The following SHANK1 variants were observed in gnomAD, a reference collection of about 807,000 sequenced individuals.
SHANK1 encodes SH3 and multiple ankyrin repeat domains protein 1.
SHANK1 carries 35 observed loss-of-function variants against 165.6 expected under a neutral mutation model. The observed-to-expected ratio is 0.21, with a 90% CI of 0.16 to 0.28. The LOEUF (loss-of-function observed/expected upper bound fraction) is 0.28. SHANK1 is among the 10% of genes least tolerant of loss of function. The pLI is 1.00. For synonymous variants in SHANK1, 1,428 were observed against 1,384.8 expected (o/e 1.03, Z -0.69); for missense variants, 2,681 against 3,036.4 (o/e 0.88, Z 2.75).
Position 50,668,721 on chromosome 19 carries a change from G to A in SHANK1, c.3239C>T (p.Pro1080Leu), listed in dbSNP as rs1013669132. 3.9e-6 allele frequency: 5 copies of A among 1,285,116 alleles called. No individual in the cohort carries two copies. In the African/African-American group the frequency reaches 6.2e-5, roughly 16 times the overall value. 79.6% of individuals were successfully genotyped at this position (1,285,116 alleles called of 1,614,324 possible). The change falls in exon 23 of 24, where the codon CCG becomes CTG. Residue 1080 changes from proline to leucine, a missense_variant. Transcript: ENST00000293441. ...AGGGGGSSQG[P>L]ALRYFQLPPR... ...GGGCAGCTGGAAATAGCGTAGAGCCGGGCCCTGGGAGGAGCCGCCGCCCCC... is the reference window on the plus strand; with the variant it reads ...GGGCAGCTGGAAATAGCGTAGAGCCAGGCCCTGGGAGGAGCCGCCGCCCCC...
In SHANK1 at chr19:50,667,707, C is replaced by T. The variant is rs2123078572; in HGVS notation, c.4253G>A (p.Arg1418Gln). 2.3e-6 allele frequency: 3 copies of T among 1,320,934 alleles called. No individual in the cohort carries two copies. The highest frequency in any genetic ancestry group is 8.0e-5 in the Admixed American group (2 of 24,980). 81.8% of individuals were successfully genotyped at this position (1,320,934 alleles called of 1,614,324 possible). A position where few individuals can be genotyped will look rare whatever the true frequency, so the allele number is the denominator to read the frequency against. The change falls in exon 23 of 24, where the codon CGG (arginine) becomes CAG (glutamine). Residue 1418 changes from arginine (R) to glutamine (Q), a missense_variant. Physicochemically the swap from Arg to Gln is conservative, Grantham distance 43. This residue lies in a region of SHANK1 where 1,713 missense variants were observed against 1,630.2 expected (regional missense o/e 1.05). Transcript: ENST00000293441. The surrounding 1 kb of genome is among the most constrained non-coding windows in gnomAD (Gnocchi z 5.7). Reference sequence around the variant, plus strand: ...CAGCCCGGCCCTGTACCCCAGCTCCCGGCGCGCAGGGTCCGGCGGGGAGGC... The same window carrying T: ...CAGCCCGGCCCTGTACCCCAGCTCCTGGCGCGCAGGGTCCGGCGGGGAGGC... ...WGASPPDPAR[R>Q]ELGYRAGLGS...
intron 15 of SHANK1, among the ~76,000 whole-genome samples, chr19:50,689,834 C>A (rs1330235137): frequency 6.6e-6 from 1 of 152,128 alleles, no homozygotes; most frequent in Admixed American, 6.5e-5. Context: ...GTCAAGAGGA[C>A]TCATGTACTT....
chr19:50,661,982 A>G lies in SHANK1; in HGVS notation c.6469T>C (p.Phe2157Leu). ...GCCAGCCATCACCTCTCCAGGAAGAATTTGAGAGCCCGGTCGATGTTCATG... is the reference window on the plus strand; with the variant it reads ...GCCAGCCATCACCTCTCCAGGAAGAGTTTGAGAGCCCGGTCGATGTTCATG... ...HRMNIDRALK[F>L]FLER Residue 2157 changes from phenylalanine (F) to leucine (L), a missense_variant, in exon 24 of 24, where the codon TTC becomes CTC. Phe to Leu is a conservative substitution (Grantham distance 22, BLOSUM62 0). This residue lies in a region of SHANK1 where 49 missense variants were observed against 94.2 expected (regional missense o/e 0.52). Coordinates refer to ENST00000293441, the MANE Select transcript of SHANK1 (RefSeq NM_016148.5). 1 of 1,614,036 alleles carries G rather than the reference A, an allele frequency of 6.2e-7. No homozygotes were observed. The highest frequency in any genetic ancestry group is 8.5e-7 in the Non-Finnish European group (1 of 1,180,016).
At chr19:50,685,659 G>A (rs1475506082) in intron 21 of SHANK1, among the ~76,000 whole-genome samples, 2 of 152,168 alleles carry the variant, frequency 1.3e-5, no homozygotes, top group Non-Finnish European at 2.9e-5. Context: ...GGGGGGCAGA[G>A]GTTGCAGTGA....
Position 50,667,160 on chromosome 19 carries a change from G to T in SHANK1, c.4800C>A (p.Thr1600=). ...CCGGGGGTGGCACAGGGGGTAACGG[G>T]GTGGCAGGGGCAGGTGTGTCGGGCA... ...HPLPDTPAPA[T]PLPPVPPPAV... Residue 1600 remains threonine, a synonymous_variant, in exon 23 of 24, where the codon ACC becomes ACA. Coordinates refer to ENST00000293441, the MANE Select transcript of SHANK1 (RefSeq NM_016148.5). This position sits in a 1 kb window ranked among gnomAD's most constrained non-coding sequence, Gnocchi z 5.7. 1 of 1,558,878 alleles carries T rather than the reference G, an allele frequency of 6.4e-7. No homozygotes were observed. The highest frequency in any genetic ancestry group is 8.6e-7 in the Non-Finnish European group (1 of 1,158,874).
chr19:50,715,621 G>A, intron 4 of SHANK1, 38 bp downstream of exon 4: 1 of 1,589,238 alleles, frequency 6.3e-7, no homozygotes, highest in Non-Finnish European at 8.6e-7. Flanking sequence ...CCAGTGGTAG[G>A]GGGCTATAGG....
Position 50,718,624 on chromosome 19 carries a change from A to AG in SHANK1, c.-44+781dup, listed in dbSNP as rs1183288739. Among the ~76,000 whole-genome samples the AG allele has an allele frequency of 7.0e-6, 1 of 143,024 alleles. No individual in the cohort carries two copies. Among genetic ancestry groups the AG allele is most frequent in the Admixed American group, 6.8e-5 (1 of 14,704 alleles). 93.8% of individuals were successfully genotyped at this position (143,024 alleles called of 152,430 possible). Reference sequence around the variant, plus strand: ...ACCGAGACGGGCTGAGGAATCGGCGAGGGGGGTGGTGGAGGACGCGAGAGA... The same window carrying AG: ...ACCGAGACGGGCTGAGGAATCGGCGAGGGGGGGTGGTGGAGGACGCGAGAGA... On this transcript the variant is annotated intron_variant, in intron 1 of 23. Transcript: ENST00000293441. The surrounding 1 kb of genome is among the most constrained non-coding windows in gnomAD (Gnocchi z 5.1).
chr19:50,717,020 G>A lies in SHANK1; in HGVS notation c.-43-58C>T. On this transcript the variant is annotated intron_variant, in intron 1 of 23. Coordinates refer to ENST00000293441, the MANE Select transcript of SHANK1 (RefSeq NM_016148.5). This position sits in a 1 kb window ranked among gnomAD's most constrained non-coding sequence, Gnocchi z 5.5. ...AGCCCGGGACCCCTCAGAGGCCGCA[G>A]GCGCTATTCGGTGGTCAAGCGGTCA... 1 of 1,327,530 alleles carries A rather than the reference G, an allele frequency of 7.5e-7. No homozygotes were observed. The allele number at this position is 1,327,530 out of a possible 1,614,324, so 82.2% of individuals were successfully genotyped here.
Position 50,670,510 on chromosome 19 carries a change from T to C in SHANK1, c.2675-1225A>G, listed in dbSNP as rs867841100. 3.3e-5 allele frequency among the ~76,000 whole-genome samples: 5 copies of C among 152,186 alleles called. No individual in the cohort carries two copies. The highest frequency in any genetic ancestry group is 6.5e-5 in the Admixed American group (1 of 15,280). ...TTCTGTTAAAACCGAAGTCAGCTCA[T>C]GTCCCTCCTCTGCTTAGAGCCCTGC... On this transcript the variant is annotated intron_variant, in intron 22 of 23. Coordinates refer to ENST00000293441, the MANE Select transcript of SHANK1 (RefSeq NM_016148.5). The surrounding 1 kb of genome is among the most constrained non-coding windows in gnomAD (Gnocchi z 4.1).
chr19:50,714,293 G>A lies in SHANK1; in HGVS notation c.532-3C>T, dbSNP rs3745530. On this transcript the variant is annotated splice_region_variant and splice_polypyrimidine_tract_variant and intron_variant, in intron 4 of 23. Transcript: ENST00000293441. ...TCCAGGAACTTCTTCAACCCCGTCT[G>A]AGCCATGGGCAAAGAGAGAGAAGAC... The A allele has an allele frequency of 0.44, 702,134 of 1,612,648 alleles. 155,482 individuals carry two copies. Among genetic ancestry groups the A allele is most frequent in the South Asian group, 0.49 (44,441 of 91,030 alleles).
rs1448043648 is a variant in SHANK1, at chr19:50,704,154, C to T, written c.1188G>A (p.Gly396=). Residue 396 remains glycine (G), a synonymous_variant, in exon 10 of 24, where the codon GGG becomes GGA. Transcript: ENST00000293441. ...VAVIAGNFEL[G]ELIRNHREQD... ...GTTCTCGGTGGTTTCGGATCAGCTC[C>T]CCCAGCTCAAAATTCCCAGCAATCA... 6.3e-7 allele frequency: 1 copy of T among 1,598,616 alleles called. No individual in the cohort carries two copies. Among genetic ancestry groups the T allele is most frequent in the East Asian group, 2.3e-5 (1 of 43,896 alleles).
At position 50,716,208 on chromosome 19, in the gene SHANK1, G is replaced by A; in HGVS notation, c.459+67C>T. On this transcript the variant is annotated intron_variant, in intron 3 of 23. Transcript: ENST00000293441. This position sits in a 1 kb window ranked among gnomAD's most constrained non-coding sequence, Gnocchi z 8.4. ...TAAGGTTTCGAGTGTGTTAAAAAGT[G>A]GGTGGGGGGCAGATGTGTTTTAGGG... 6.9e-7 allele frequency: 1 copy of A among 1,457,394 alleles called. No homozygotes were observed. Among genetic ancestry groups the A allele is most frequent in the South Asian group, 1.2e-5 (1 of 85,842 alleles). 90.3% of individuals were successfully genotyped at this position (1,457,394 alleles called of 1,614,324 possible).
chr19:50,718,872 G>A lies in SHANK1; in HGVS notation c.-44+534C>T, dbSNP rs2089099686. Among the ~76,000 whole-genome samples, 1 of 151,006 alleles carries A rather than the reference G, an allele frequency of 6.6e-6. No individual in the cohort carries two copies. Among genetic ancestry groups the A allele is most frequent in the Admixed American group, 6.6e-5 (1 of 15,220 alleles). On this transcript the variant is annotated intron_variant, in intron 1 of 23. Transcript: ENST00000293441. This position sits in a 1 kb window ranked among gnomAD's most constrained non-coding sequence, Gnocchi z 5.1. The stretch of plus-strand genomic sequence containing the variant: ...GAGCCGAGGGGGCGCGCCGGCCGGC[G>A]GTGTAGGGACTGGAGACCTGGTGGG...
chr19:50,680,340 G>A (rs1302295715), intron 21 of SHANK1, among the ~76,000 whole-genome samples: 1 of 152,114 alleles, frequency 6.6e-6, no homozygotes, highest in Non-Finnish European at 1.5e-5. Context: ...CGCAGCCCCA[G>A]GAGGGAACCC....
intron 21 of SHANK1, among the ~76,000 whole-genome samples, chr19:50,676,489 G>A (rs910294464): frequency 6.6e-6 from 1 of 152,044 alleles, no homozygotes; most frequent in African/African-American, 2.4e-5. Context: ...GAATAGGAAG[G>A]AGGCCAGGAG....
intron 22 of SHANK1, 51 bp from the exon 23 acceptor site, chr19:50,669,336 C>A: frequency 8.0e-7 from 1 of 1,246,506 alleles, no homozygotes; most frequent in East Asian, 2.5e-5. Flanking sequence ...GGAGGGTCTC[C>A]CTGCTCCACT....
chr19:50,687,849 C>G (rs1986407610), intron 18 of SHANK1, 74 bp downstream of exon 18: 3 of 1,581,004 alleles, frequency 1.9e-6, no homozygotes, highest in Non-Finnish European at 2.6e-6. Flanking sequence ...TGGGCAGCAG[C>G]AACCAGCCCT....
chr19:50,715,205 G>C (rs1237890165), intron 4 of SHANK1, among the ~76,000 whole-genome samples: 2 of 152,090 alleles, frequency 1.3e-5, no homozygotes, highest in African/African-American at 4.8e-5. Context: ...GGCTGGAAAG[G>C]GGGGTGTAAT....
At position 50,703,463 on chromosome 19, in the gene SHANK1, G is replaced by A. The variant is rs2088895235; in HGVS notation, c.1553+37C>T. The A allele has an allele frequency of 5.3e-6, 8 of 1,506,204 alleles. No homozygotes were observed. In the South Asian group the frequency reaches 6.1e-5, roughly 11 times the overall value. The allele number at this position is 1,506,204 out of a possible 1,614,324, so 93.3% of individuals were successfully genotyped here. ...GCCGATCTGGAGAGGGGATTTGACG[G>A]GGCTGGGGACTGTGGAGCCAGGGCT... On this transcript the variant is annotated intron_variant, in intron 11 of 23. Coordinates refer to ENST00000293441, the MANE Select transcript of SHANK1 (RefSeq NM_016148.5).
Sources: allele counts gnomAD v4.1 joint callset (sites outside exome capture counted in the v4.1 genomes callset), GRCh38; gene constraint gnomAD v4.1.1; regional missense constraint gnomAD v4.1.1; non-coding constraint Gnocchi (gnomAD v3.1); transcripts MANE v1.5; gene names NCBI Gene and HGNC (gene_info 2026-07-23, HGNC 2026-07-21).